Variants in WDFY2 observed in about 807,000 individuals in gnomAD.
WDFY2 encodes the protein WD repeat and FYVE domain containing 2.
Under a neutral mutation model 56.4 loss-of-function variants are expected in WDFY2, and 36 were observed. The observed-to-expected ratio is 0.64, with a 90% CI of 0.49 to 0.84. WDFY2 has a LOEUF of 0.84. Among genes scored for constraint, WDFY2 ranks in the 40% least tolerant of loss-of-function variants. The probability of loss-of-function intolerance (pLI) is 0.00; values close to 1 mark genes in which losing one functional copy is unlikely to be tolerated. For synonymous variants in WDFY2, 176 were observed against 183.7 expected (o/e 0.96, Z 0.34); for missense variants, 444 against 512.2 (o/e 0.87, Z 1.29).
At chr13:51,625,517 C>T (rs1272586654) in intron 1 of WDFY2, among the ~76,000 whole-genome samples, 1 of 152,126 alleles carries the variant, frequency 6.6e-6, no homozygotes, top group Non-Finnish European at 1.5e-5. Context: ...CTTTAAAAAA[C>T]AAATTGATAT....
intron 7 of WDFY2, among the ~76,000 whole-genome samples, chr13:51,740,251 T>C (rs764839533): frequency 1.3e-5 from 2 of 152,252 alleles, no homozygotes; most frequent in African/African-American, 2.4e-5. Flanking sequence ...CCCTTCTTTC[T>C]CATGTTGGAG....
intron 1 of WDFY2, among the ~76,000 whole-genome samples, chr13:51,620,666 A>G (rs1954708361): frequency 6.6e-6 from 1 of 152,144 alleles, no homozygotes; most frequent in Non-Finnish European, 1.5e-5. Context: ...CCACAGAGGA[A>G]GGATACACTC....
intron 7 of WDFY2, among the ~76,000 whole-genome samples, chr13:51,749,711 A>T (rs1016362809): frequency 6.6e-6 from 1 of 152,184 alleles, no homozygotes; most frequent in Non-Finnish European, 1.5e-5. Flanking sequence ...TAAACTTAAT[A>T]TTATACTTTA....
intron 3 of WDFY2, among the ~76,000 whole-genome samples, chr13:51,694,875 T>A (rs1951829461): frequency 6.6e-6 from 1 of 152,010 alleles, no homozygotes; most frequent in Non-Finnish European, 1.5e-5. Context: ...GAGGCTTTGT[T>A]CGTTTCTTTT....
At chr13:51,694,642 A>G (rs1256505097) in intron 3 of WDFY2, among the ~76,000 whole-genome samples, 1 of 152,042 alleles carries the variant, frequency 6.6e-6, no homozygotes, top group African/African-American at 2.4e-5. Flanking sequence ...ACTTTGGTGA[A>G]TGTGACAATT....
At chr13:51,634,684 G>T (rs1054068789) in intron 1 of WDFY2, among the ~76,000 whole-genome samples, 1 of 150,956 alleles carries the variant, frequency 6.6e-6, no homozygotes, top group African/African-American at 2.4e-5. Flanking sequence ...GGTGGTGCAT[G>T]TCTATAAGAT....
chr13:51,584,528 G>T lies in WDFY2; in HGVS notation c.-160G>T. ...TGCCTGAAGCAGGGAGCGCGGAGTC[G>T]TTCCCGAGAGAGGCGGCCAGGCTAT... On this transcript the variant is annotated 5_prime_UTR_variant, in exon 1 of 12. Coordinates refer to ENST00000298125, the MANE Select transcript of WDFY2 (RefSeq NM_052950.4). 1 of 1,038,232 alleles carries T rather than the reference G, an allele frequency of 9.6e-7. No homozygotes were observed. Among genetic ancestry groups the T allele is most frequent in the Non-Finnish European group, 1.3e-6 (1 of 746,886 alleles). 64.3% of individuals were successfully genotyped at this position (1,038,232 alleles called of 1,614,324 possible). A position where few individuals can be genotyped will look rare whatever the true frequency, so the allele number is the denominator to read the frequency against.
intron 3 of WDFY2, among the ~76,000 whole-genome samples, chr13:51,682,362 T>C (rs1955994116): frequency 6.6e-6 from 1 of 152,184 alleles, no homozygotes; most frequent in Non-Finnish European, 1.5e-5. Flanking sequence ...ATTTTATTAA[T>C]GGCATATATT....
At chr13:51,634,378 A>G (rs1955007770) in intron 1 of WDFY2, among the ~76,000 whole-genome samples, 1 of 152,198 alleles carries the variant, frequency 6.6e-6, no homozygotes, top group Non-Finnish European at 1.5e-5. Context: ...TTCATGATAA[A>G]TACTCAATAT....
At chr13:51,727,825 G>A (rs770581422) in intron 6 of WDFY2, 35 bp downstream of exon 6, 8 of 1,587,986 alleles carry the variant, frequency 5.0e-6, no homozygotes, top group African/African-American at 2.7e-5. Context: ...TGTGCTGATA[G>A]CACAGTGAGA....
chr13:51,728,914 T>A (rs552568566), intron 6 of WDFY2, among the ~76,000 whole-genome samples: 93 of 152,300 alleles, frequency 6.1e-4, no homozygotes, highest in African/African-American at 2.2e-3. Flanking sequence ...CTTAAACTTC[T>A]GTGCGTCACT....
chr13:51,751,751 C>T (rs547127668), intron 8 of WDFY2, among the ~76,000 whole-genome samples: 3 of 152,136 alleles, frequency 2.0e-5, no homozygotes, highest in South Asian at 2.1e-4. Context: ...GGAGGACTCA[C>T]GTGATTTATG....
At chr13:51,707,286 G>C (rs946686098) in intron 4 of WDFY2, among the ~76,000 whole-genome samples, 1 of 152,142 alleles carries the variant, frequency 6.6e-6, no homozygotes, top group Non-Finnish European at 1.5e-5. Context: ...CACCTCCCAA[G>C]TAGCTGGGAC....
intron 1 of WDFY2, 55 bp downstream of exon 1, chr13:51,584,879 C>A: frequency 6.2e-7 from 1 of 1,602,428 alleles, no homozygotes; most frequent in South Asian, 1.1e-5. Flanking sequence ...CGACGGCCCT[C>A]GAGCCCGCGT....
chr13:51,733,579 AG>A lies in WDFY2; in HGVS notation c.599-5468del, dbSNP rs1218297163. On this transcript the variant is annotated intron_variant, in intron 6 of 11. Coordinates refer to ENST00000298125, the MANE Select transcript of WDFY2 (RefSeq NM_052950.4). ...TTTAATAAGCCACTGTGGCAGCAGT[AG>A]GTGGTAGATTGACTGGGAACAGAAT... 2.0e-5 allele frequency among the ~76,000 whole-genome samples: 3 copies of A among 152,334 alleles called. No individual in the cohort carries two copies. The East Asian group carries it at 5.8e-4, about 29-fold the overall frequency.
intron 3 of WDFY2, among the ~76,000 whole-genome samples, chr13:51,683,264 A>G (rs1956008067): frequency 6.6e-6 from 1 of 152,244 alleles, no homozygotes; most frequent in South Asian, 2.1e-4. Flanking sequence ...TGATAGACCA[A>G]TGTCCAGAGA....
chr13:51,597,160 G>T (rs1282310631), intron 1 of WDFY2, among the ~76,000 whole-genome samples: 1 of 152,124 alleles, frequency 6.6e-6, no homozygotes, highest in Non-Finnish European at 1.5e-5. Flanking sequence ...TGGAAGTATA[G>T]ATCATTGTCA....
At chr13:51,605,404 G>A (rs917581014) in intron 1 of WDFY2, among the ~76,000 whole-genome samples, 2 of 152,154 alleles carry the variant, frequency 1.3e-5, no homozygotes, top group South Asian at 2.1e-4. Flanking sequence ...GAGGATTAAG[G>A]GATATAATTC....
At chr13:51,694,788 G>T (rs1340208385) in intron 3 of WDFY2, among the ~76,000 whole-genome samples, 1 of 152,096 alleles carries the variant, frequency 6.6e-6, no homozygotes, top group African/African-American at 2.4e-5. Flanking sequence ...TTCCAACTTG[G>T]TTCCATTTTC....
Sources: gnomAD v4.1 joint callset for allele counts (sites outside exome capture counted in the v4.1 genomes callset) on GRCh38, gnomAD v4.1.1 for gene constraint, MANE v1.5 for transcripts, NCBI Gene and HGNC (gene_info 2026-07-23, HGNC 2026-07-21) for gene names.